ADGRE2: variants seen among roughly 807,000 people sequenced by gnomAD.
The protein encoded by ADGRE2 is CD97 antigen.
ADGRE2 carries 83 observed loss-of-function variants against 100.8 expected under a neutral mutation model. The ratio of observed to expected loss-of-function variants is 0.82; its 90% CI spans 0.69 to 0.99. ADGRE2 has a LOEUF of 0.99. Among genes scored for constraint, ADGRE2 ranks in the 50% least tolerant of loss-of-function variants. ADGRE2 has a pLI of 0.00. For synonymous variants in ADGRE2, 355 were observed against 413.0 expected (o/e 0.86, Z 1.70); for missense variants, 814 against 1,035.7 (o/e 0.79, Z 2.94).
chr19:14,752,225 G>A (rs150995318), intron 15 of ADGRE2, 104 bp downstream of exon 15: 28 of 1,423,088 alleles, frequency 2.0e-5, no homozygotes, highest in Middle Eastern at 1.8e-4. Flanking sequence ...GAGCCACCAC[G>A]CCCAGCCGGG....
At chr19:14,771,703 C>T (rs768480623) in intron 5 of ADGRE2, among the ~76,000 whole-genome samples, 10 of 151,862 alleles carry the variant, frequency 6.6e-5, no homozygotes, top group East Asian at 5.8e-4. Context: ...TGCAGTGGCA[C>T]GATCTCCGCT....
At chr19:14,777,966 T>C (rs530549388) in intron 1 of ADGRE2, among the ~76,000 whole-genome samples, 1 of 152,230 alleles carries the variant, frequency 6.6e-6, no homozygotes, top group Non-Finnish European at 1.5e-5. Flanking sequence ...CATGTGCATA[T>C]GTCTTTATAG....
rs1403431155 is a variant in ADGRE2, at chr19:14,736,099, T to C, written c.*137A>G. On this transcript the variant is annotated 3_prime_UTR_variant, in exon 21 of 21. Coordinates refer to ENST00000315576, the MANE Select transcript of ADGRE2 (RefSeq NM_013447.4). Reference sequence around the variant, plus strand: ...AATTGAATGCCTAGCACGCCTTCCATAACATCCTTCATATTGCTGACATGG... The same window carrying C: ...AATTGAATGCCTAGCACGCCTTCCACAACATCCTTCATATTGCTGACATGG... 2 of 802,670 alleles carry C rather than the reference T, an allele frequency of 2.5e-6. No individual in the cohort carries two copies. Among genetic ancestry groups the C allele is most frequent in the African/African-American group, 3.5e-5 (2 of 56,744 alleles). 49.7% of individuals were successfully genotyped at this position (802,670 alleles called of 1,614,324 possible).
intron 15 of ADGRE2, 44 bp from the exon 16 acceptor site, chr19:14,751,715 A>C: frequency 6.9e-7 from 1 of 1,440,820 alleles, no homozygotes; most frequent in East Asian, 2.3e-5. Context: ...ATCAGATTTG[A>C]GTGTGGCCCA....
At chr19:14,739,345 G>A (rs936945180) in intron 20 of ADGRE2, among the ~76,000 whole-genome samples, 2 of 152,206 alleles carry the variant, frequency 1.3e-5, no homozygotes, top group African/African-American at 2.4e-5. Flanking sequence ...ATTAAGTAAT[G>A]CAATGGATTT....
In ADGRE2 at chr19:14,755,130, G is replaced by A; in HGVS notation, c.1417-3C>T. The A allele has an allele frequency of 1.2e-6, 2 of 1,613,550 alleles. No homozygotes were observed. The highest frequency in any genetic ancestry group is 1.7e-6 in the Non-Finnish European group (2 of 1,179,700). ...ACCTTCTGTCTCGGGATCACTGACT[G>A]CAGGAACAGAACACAGGTGTGGGCT... is the stretch of plus-strand genomic sequence containing the variant. On this transcript the variant is annotated splice_region_variant and splice_polypyrimidine_tract_variant and intron_variant, in intron 13 of 20. Transcript: ENST00000315576.
intron 4 of ADGRE2, among the ~76,000 whole-genome samples, chr19:14,773,619 C>T (rs186445060): frequency 1.3e-5 from 2 of 152,112 alleles, no homozygotes; most frequent in African/African-American, 4.8e-5. Context: ...TCAAACAATC[C>T]TCCCGCCTCA....
At chr19:14,765,225 G>T in intron 10 of ADGRE2, 95 bp downstream of exon 10, 2 of 1,313,866 alleles carry the variant, frequency 1.5e-6, no homozygotes, top group Non-Finnish European at 2.2e-6. Flanking sequence ...CCACTGCATT[G>T]GGTCCTGTCC....
chr19:14,754,485 A>ATCTATCTATCTGTCTATCTG (rs1248880509), intron 14 of ADGRE2, among the ~76,000 whole-genome samples: 1 of 142,858 alleles, frequency 7.0e-6, no homozygotes, highest in African/African-American at 2.6e-5. Context: ...CTATCTATCT[A>ATCTATCTATCTGTCTATCTG]TCTATTCCAT....
intron 12 of ADGRE2, 139 bp downstream of exon 12, chr19:14,756,099 C>T: frequency 3.8e-6 from 3 of 783,048 alleles, no homozygotes; most frequent in Non-Finnish European, 6.5e-6. Context: ...CGTTCCTCCT[C>T]AGCTGGACTC....
chr19:14,743,863 C>G (rs897734041), intron 18 of ADGRE2, 79 bp from the exon 19 acceptor site: 4 of 1,224,654 alleles, frequency 3.3e-6, no homozygotes, highest in African/African-American at 1.5e-5. Flanking sequence ...CCCATGGAGT[C>G]CCCTGCCCTC....
At chr19:14,756,141 A>G in intron 12 of ADGRE2, 97 bp downstream of exon 12, 2 of 1,006,328 alleles carry the variant, frequency 2.0e-6, no homozygotes, top group Non-Finnish European at 3.1e-6. Flanking sequence ...AACATCCCAC[A>G]CTTCCCTTTA....
intron 5 of ADGRE2, 143 bp downstream of exon 5, chr19:14,772,199 C>G (rs930105165): frequency 1.6e-6 from 2 of 1,213,942 alleles, no homozygotes; most frequent in South Asian, 2.8e-5. Flanking sequence ...GCTGGCGAAA[C>G]AGGTACATGC....
At chr19:14,761,267 G>C (rs1054000731) in intron 11 of ADGRE2, among the ~76,000 whole-genome samples, 1 of 152,108 alleles carries the variant, frequency 6.6e-6, no homozygotes, top group Admixed American at 6.6e-5. Context: ...TTAGCCGGGC[G>C]TGGTGGCGGG....
chr19:14,757,329 C>A (rs12327819), intron 11 of ADGRE2, among the ~76,000 whole-genome samples: 7 of 152,056 alleles, frequency 4.6e-5, no homozygotes, highest in African/African-American at 1.7e-4. Flanking sequence ...AATGCAATCC[C>A]TATCAATATT....
At chr19:14,744,733 G>C (rs1464934592) in intron 18 of ADGRE2, among the ~76,000 whole-genome samples, 2 of 152,048 alleles carry the variant, frequency 1.3e-5, no homozygotes, top group Admixed American at 1.3e-4. Flanking sequence ...AGGATTACAG[G>C]CGTGAGCCAC....
rs1199513151 is a variant in ADGRE2, at chr19:14,732,596, T to C, written c.*3640A>G. The C allele has an allele frequency of 6.6e-6, 1 of 152,244 alleles. No individual in the cohort carries two copies. Among genetic ancestry groups the C allele is most frequent in the Non-Finnish European group, 1.5e-5 (1 of 68,050 alleles). 9.4% of individuals were successfully genotyped at this position (152,244 alleles called of 1,614,324 possible). On this transcript the variant is annotated 3_prime_UTR_variant, in exon 21 of 21. Transcript: ENST00000315576. ...GCAGTGAGTCAAATCTGACCCACCATCTGTTTCTGTACAGCTAAGAATAGT... is the reference window on the plus strand; with the variant it reads ...GCAGTGAGTCAAATCTGACCCACCACCTGTTTCTGTACAGCTAAGAATAGT...
intron 18 of ADGRE2, 81 bp from the exon 19 acceptor site, chr19:14,743,865 C>A (rs993409768): frequency 1.7e-5 from 21 of 1,230,908 alleles, no homozygotes; most frequent in East Asian, 2.4e-5. Flanking sequence ...CATGGAGTCC[C>A]CTGCCCTCCC....
chr19:14,726,854 A>G, the ADGRE2 span, among the ~76,000 whole-genome samples: 4 of 151,994 alleles, frequency 2.6e-5, no homozygotes, highest in East Asian at 5.8e-4. Flanking sequence ...AGAAGTTCCA[A>G]ACTTTCTCTC....
Sources: allele counts gnomAD v4.1 joint callset (sites outside exome capture counted in the v4.1 genomes callset), GRCh38; gene constraint gnomAD v4.1.1; transcripts MANE v1.5; gene names NCBI Gene and HGNC (gene_info 2026-07-23, HGNC 2026-07-21).